RBFOX1: variants seen among roughly 807,000 people sequenced by gnomAD.
RBFOX1 encodes the protein RNA binding protein fox-1 homolog 1.
RBFOX1 carries 8 observed loss-of-function variants against 57.7 expected under a neutral mutation model. The ratio of observed to expected loss-of-function variants is 0.14; its 90% CI spans 0.08 to 0.25. The LOEUF (loss-of-function observed/expected upper bound fraction) is 0.25, where lower values mean the gene tolerates loss of function less well. Among genes scored for constraint, RBFOX1 ranks in the 10% least tolerant of loss-of-function variants. The pLI is 1.00. For synonymous variants in RBFOX1, 326 were observed against 222.4 expected (o/e 1.47, Z -4.15); for missense variants, 611 against 548.5 (o/e 1.11, Z -1.14).
At chr16:7,148,102 C>G (rs1456617194) in intron 4 of RBFOX1, among the ~76,000 whole-genome samples, 2 of 152,156 alleles carry the variant, frequency 1.3e-5, no homozygotes, top group African/African-American at 4.8e-5. Flanking sequence ...CAGCCAATCT[C>G]TAGGAAGTGA....
chr16:6,666,530 ACT>A (rs1450840272), intron 3 of RBFOX1, among the ~76,000 whole-genome samples: 2 of 127,590 alleles, frequency 1.6e-5, no homozygotes, highest in African/African-American at 3.2e-5. Flanking sequence ...ACAGAGTAAG[ACT>A]CTGTCTCCAA....
chr16:7,473,429 A>G (rs2061972615), intron 4 of RBFOX1, among the ~76,000 whole-genome samples: 2 of 148,078 alleles, frequency 1.4e-5, no homozygotes, highest in African/African-American at 4.9e-5. Flanking sequence ...TACATAGTAT[A>G]TAATATATAT....
At chr16:5,523,403 C>T (rs1176066508) in intron 2 of RBFOX1, among the ~76,000 whole-genome samples, 1 of 152,098 alleles carries the variant, frequency 6.6e-6, no homozygotes, top group Non-Finnish European at 1.5e-5. Flanking sequence ...TCACTTGAGC[C>T]TTGGAGTTTG....
At chr16:6,919,310 A>C (rs1336650543) in intron 3 of RBFOX1, among the ~76,000 whole-genome samples, 1 of 152,080 alleles carries the variant, frequency 6.6e-6, no homozygotes, top group Non-Finnish European at 1.5e-5. Flanking sequence ...TTTCTTGACC[A>C]ATTCCTATTT....
At chr16:7,607,259 T>A (rs1205630905) in intron 9 of RBFOX1, 26 bp from the exon 10 acceptor site, 1 of 1,597,632 alleles carries the variant, frequency 6.3e-7, no homozygotes, top group Non-Finnish European at 8.5e-7. Flanking sequence ...AATGTGATAA[T>A]AATGTTTTTG....
chr16:7,206,021 C>G (rs896713161), intron 4 of RBFOX1, among the ~76,000 whole-genome samples: 6 of 152,156 alleles, frequency 3.9e-5, no homozygotes, highest in Non-Finnish European at 8.8e-5. Flanking sequence ...GTGTGGCTTG[C>G]CCACCCAGAG....
chr16:7,203,245 A>T (rs970172064), intron 4 of RBFOX1, among the ~76,000 whole-genome samples: 2 of 152,242 alleles, frequency 1.3e-5, no homozygotes, highest in Non-Finnish European at 2.9e-5. Flanking sequence ...CATGCTTCAC[A>T]AATGAGCCCT....
chr16:7,026,989 C>T (rs1161973798), intron 3 of RBFOX1, among the ~76,000 whole-genome samples: 1 of 152,108 alleles, frequency 6.6e-6, no homozygotes, highest in Non-Finnish European at 1.5e-5. Context: ...ACATCAGCAC[C>T]CCTAAGGTTT....
chr16:7,307,495 T>G (rs1442254479), intron 4 of RBFOX1, among the ~76,000 whole-genome samples: 1 of 152,248 alleles, frequency 6.6e-6, no homozygotes, highest in Non-Finnish European at 1.5e-5. Context: ...GCAACTTTGA[T>G]GTTTACATTA....
intron 3 of RBFOX1, among the ~76,000 whole-genome samples, chr16:6,981,867 TTTAAG>T (rs1334262129): frequency 2.0e-5 from 3 of 152,166 alleles, no homozygotes; most frequent in African/African-American, 4.8e-5. Context: ...ACTGATGACA[TTTAAG>T]TTGATTCCAC....
At chr16:6,065,889 G>C (rs1193492108) in intron 1 of RBFOX1, among the ~76,000 whole-genome samples, 1 of 152,172 alleles carries the variant, frequency 6.6e-6, no homozygotes, top group African/African-American at 2.4e-5. Flanking sequence ...GACTAGGGTT[G>C]TCCTCATATG....
intron 2 of RBFOX1, among the ~76,000 whole-genome samples, chr16:5,515,242 G>A (rs929641705): frequency 2.0e-5 from 3 of 152,250 alleles, no homozygotes; most frequent in Non-Finnish European, 4.4e-5. Flanking sequence ...CCTACTGTCA[G>A]CTCCATGTGG....
At chr16:7,469,938 T>A (rs2061256745) in intron 4 of RBFOX1, among the ~76,000 whole-genome samples, 1 of 152,194 alleles carries the variant, frequency 6.6e-6, no homozygotes, top group South Asian at 2.1e-4. Context: ...ATTATTTGTC[T>A]TTTTGTGACT....
intron 3 of RBFOX1, among the ~76,000 whole-genome samples, chr16:6,698,541 T>A (rs1361590601): frequency 6.6e-6 from 1 of 152,190 alleles, no homozygotes; most frequent in Non-Finnish European, 1.5e-5. Context: ...CTCTTCAAAT[T>A]TTTGTTTGCT....
chr16:7,437,229 T>C (rs2098729347), intron 4 of RBFOX1, among the ~76,000 whole-genome samples: 1 of 148,232 alleles, frequency 6.7e-6, no homozygotes, highest in African/African-American at 2.5e-5. Context: ...TCCTCAACTG[T>C]GCTAGAATTA....
At chr16:7,505,636 T>A (rs1465887361) in intron 4 of RBFOX1, among the ~76,000 whole-genome samples, 1 of 152,162 alleles carries the variant, frequency 6.6e-6, no homozygotes, top group East Asian at 1.9e-4. Flanking sequence ...AAAATCAGGA[T>A]GGAACATTTT....
At chr16:5,766,074 T>G (rs971065705) in intron 3 of RBFOX1, among the ~76,000 whole-genome samples, 1 of 152,086 alleles carries the variant, frequency 6.6e-6, no homozygotes, top group African/African-American at 2.4e-5. Flanking sequence ...TAGCTCAGAG[T>G]TCTGTCCTCC....
chr16:7,293,503 G>A (rs1208733905), intron 4 of RBFOX1, among the ~76,000 whole-genome samples: 1 of 152,136 alleles, frequency 6.6e-6, no homozygotes, highest in East Asian at 1.9e-4. Flanking sequence ...CATTTAGTGG[G>A]TGTATTGCAG....
intron 14 of RBFOX1, among the ~76,000 whole-genome samples, chr16:7,699,564 G>A (rs2079972771): frequency 6.6e-6 from 1 of 152,142 alleles, no homozygotes; most frequent in African/African-American, 2.4e-5. Context: ...ATGTGGCTGT[G>A]GAGCCCTTGA....
Sources: gnomAD v4.1 joint callset for allele counts (sites outside exome capture counted in the v4.1 genomes callset) on GRCh38, gnomAD v4.1.1 for gene constraint, MANE v1.5 for transcripts, NCBI Gene and HGNC (gene_info 2026-07-23, HGNC 2026-07-21) for gene names.